STAG1: variants seen among roughly 807,000 people sequenced by gnomAD.
The protein encoded by STAG1 is cohesin subunit SA-1.
In STAG1, 26 loss-of-function variants were observed where a neutral mutation model predicts 170.9. That is an observed-to-expected ratio of 0.15 (90% CI 0.11 to 0.21). STAG1 has a LOEUF of 0.21. STAG1 is among the 10% of genes least tolerant of loss of function. The pLI, the probability that STAG1 is intolerant of heterozygous loss-of-function variation, is 1.00. For missense variants in STAG1, 964 were observed against 1,509.5 expected, an observed-to-expected ratio of 0.64 and a Z score of 5.99; for synonymous variants, 514 against 497.7, an observed-to-expected ratio of 1.03 and a Z score of -0.44.
At chr3:136,415,666 G>A (rs911357837) in intron 21 of STAG1, among the ~76,000 whole-genome samples, 4 of 152,042 alleles carry the variant, frequency 2.6e-5, no homozygotes, top group African/African-American at 7.2e-5. Context: ...GGGAAACCTC[G>A]TCTCCACTAA....
intron 3 of STAG1, among the ~76,000 whole-genome samples, chr3:136,619,370 G>C (rs1436698881): frequency 3.3e-5 from 5 of 150,560 alleles, no homozygotes; most frequent in Admixed American, 6.7e-5. Context: ...TTGTAGGAGA[G>C]AGACAATAAG....
chr3:136,629,991 T>C (rs1275530175), intron 2 of STAG1, among the ~76,000 whole-genome samples: 3 of 151,724 alleles, frequency 2.0e-5, no homozygotes, highest in Non-Finnish European at 4.4e-5. Flanking sequence ...AGGTCAGGAG[T>C]TCGAGACCAG....
Position 136,581,248 on chromosome 3 carries a change from A to G in STAG1, c.298-12387T>C, listed in dbSNP as rs992033755. The stretch of plus-strand genomic sequence containing the variant: ...CAGCTGTTGAGCTCCGCTAATTTAC[A>G]TTACTATTTTCTGAAGTTTTATGAT... On this transcript the variant is annotated intron_variant, in intron 4 of 33. Coordinates refer to ENST00000383202, the MANE Select transcript of STAG1 (RefSeq NM_005862.3). 5.9e-5 allele frequency among the ~76,000 whole-genome samples: 9 copies of G among 152,188 alleles called. No homozygotes were observed. The South Asian group carries it at 1.7e-3, about 28-fold the overall frequency.
chr3:136,677,840 G>A (rs1018114828), intron 1 of STAG1, among the ~76,000 whole-genome samples: 1 of 149,486 alleles, frequency 6.7e-6, no homozygotes, highest in African/African-American at 2.4e-5. Context: ...CTTAGAGAAG[G>A]AAGTGAGATT....
chr3:136,634,383 A>C (rs1015895909), intron 1 of STAG1, among the ~76,000 whole-genome samples: 2 of 151,806 alleles, frequency 1.3e-5, no homozygotes, highest in Non-Finnish European at 2.9e-5. Flanking sequence ...CAAAAAAAAA[A>C]CCAGGGCACC....
intron 15 of STAG1, among the ~76,000 whole-genome samples, chr3:136,438,422 A>G (rs1417755735): frequency 1.3e-5 from 2 of 151,838 alleles, no homozygotes; most frequent in East Asian, 1.9e-4. Flanking sequence ...ACGGGGTTTC[A>G]CCATGCTGGC....
chr3:136,498,237 C>T (rs1414777157), intron 9 of STAG1, among the ~76,000 whole-genome samples: 4,537 of 44,852 alleles, frequency 0.1, 342 homozygotes, highest in African/African-American at 0.19. Flanking sequence ...TATATATACA[C>T]ATACATATAC....
In STAG1 at chr3:136,352,976, A is replaced by T. The variant is rs1040217909; in HGVS notation, c.3066-3613T>A. ...AACTAAAGAAAATCATATCTAATTAAAAGTGGGTATGATGACAATATCTCT... is the reference window on the plus strand; with the variant it reads ...AACTAAAGAAAATCATATCTAATTATAAGTGGGTATGATGACAATATCTCT... On this transcript the variant is annotated intron_variant, in intron 28 of 33. Transcript: ENST00000383202. Among the ~76,000 whole-genome samples, 8 of 152,338 alleles carry T rather than the reference A, an allele frequency of 5.3e-5. No homozygotes were observed. The East Asian group carries it at 1.5e-3, about 29-fold the overall frequency.
chr3:136,449,000 A>G (rs2088862089), intron 14 of STAG1, among the ~76,000 whole-genome samples: 1 of 152,154 alleles, frequency 6.6e-6, no homozygotes, highest in South Asian at 2.1e-4. Flanking sequence ...CTATTACAAA[A>G]TTTTACCAAT....
Position 136,421,198 on chromosome 3 carries a change from T to C in STAG1, c.2038-35A>G, listed in dbSNP as rs746808861. 43 of 1,432,886 alleles carry C rather than the reference T, an allele frequency of 3.0e-5. No homozygotes were observed. In the Middle Eastern group the frequency reaches 2.3e-3, roughly 78 times the overall value. The allele number at this position is 1,432,886 out of a possible 1,614,324, so 88.8% of individuals were successfully genotyped here. On this transcript the variant is annotated intron_variant, in intron 19 of 33. Coordinates refer to ENST00000383202, the MANE Select transcript of STAG1 (RefSeq NM_005862.3). ...AAGGAAACATCACATCATTACAACT[T>C]TACTCACCTTATAGTATATTACTAC...
At chr3:136,694,170 G>A (rs922730919) in intron 1 of STAG1, among the ~76,000 whole-genome samples, 1 of 152,122 alleles carries the variant, frequency 6.6e-6, no homozygotes, top group African/African-American at 2.4e-5. Context: ...ATGCTTTGAG[G>A]ATAACCCTAT....
At chr3:136,478,494 G>A (rs987154870) in intron 9 of STAG1, among the ~76,000 whole-genome samples, 4 of 152,068 alleles carry the variant, frequency 2.6e-5, no homozygotes, top group Non-Finnish European at 4.4e-5. Flanking sequence ...ATTTTCTTCT[G>A]TAGATCAATC....
intron 1 of STAG1, among the ~76,000 whole-genome samples, chr3:136,680,093 G>A (rs184921877): frequency 4.0e-5 from 6 of 151,260 alleles, no homozygotes; most frequent in African/African-American, 2.4e-5. Flanking sequence ...CCAACATGGC[G>A]AAACCTGTCT....
At chr3:136,573,921 A>T (rs928890193) in intron 4 of STAG1, among the ~76,000 whole-genome samples, 1 of 152,078 alleles carries the variant, frequency 6.6e-6, no homozygotes, top group South Asian at 2.1e-4. Flanking sequence ...CAGTGAGCGG[A>T]GATCGCGCCA....
At chr3:136,742,380 A>C (rs1232360677) in intron 1 of STAG1, among the ~76,000 whole-genome samples, 1 of 152,170 alleles carries the variant, frequency 6.6e-6, no homozygotes, top group Non-Finnish European at 1.5e-5. Flanking sequence ...TAAGTTAGAA[A>C]TCAGTAATAA....
intron 5 of STAG1, among the ~76,000 whole-genome samples, chr3:136,554,686 G>C (rs1936537962): frequency 6.6e-6 from 1 of 152,046 alleles, no homozygotes; most frequent in East Asian, 1.9e-4. Context: ...CTTGAGTCCA[G>C]GAGTTCAAAA....
chr3:136,519,447 G>T (rs1009300389), intron 7 of STAG1, among the ~76,000 whole-genome samples: 2 of 152,024 alleles, frequency 1.3e-5, no homozygotes, highest in African/African-American at 2.4e-5. Context: ...GGGAAACCCA[G>T]ATAATAACTT....
chr3:136,720,215 A>G (rs1298466224), intron 1 of STAG1, among the ~76,000 whole-genome samples: 3 of 151,970 alleles, frequency 2.0e-5, no homozygotes, highest in African/African-American at 7.2e-5. Context: ...AACACTGAGC[A>G]TTAAATTAAG....
At chr3:136,386,815 G>T (rs762565500) in intron 22 of STAG1, among the ~76,000 whole-genome samples, 2 of 151,998 alleles carry the variant, frequency 1.3e-5, no homozygotes, top group Non-Finnish European at 2.9e-5. Flanking sequence ...CCATAACTAT[G>T]AAATACGGTT....
Sources: gnomAD v4.1 joint callset for allele counts (sites outside exome capture counted in the v4.1 genomes callset) on GRCh38, gnomAD v4.1.1 for gene constraint, MANE v1.5 for transcripts, NCBI Gene and HGNC (gene_info 2026-07-23, HGNC 2026-07-21) for gene names.